The following HERC3 variants were observed in gnomAD, a reference collection of about 807,000 sequenced individuals.
HERC3 encodes the protein HECT and RLD domain containing E3 ubiquitin protein ligase 3.
In HERC3, 58 loss-of-function variants were observed where a neutral mutation model predicts 129.9. The ratio of observed to expected loss-of-function variants is 0.45; its 90% confidence interval spans 0.36 to 0.56. The LOEUF (loss-of-function observed/expected upper bound fraction) is 0.56, where lower values mean the gene tolerates loss of function less well. HERC3 is among the 20% of genes least tolerant of loss of function. HERC3 has a pLI of 0.00. For missense variants in HERC3, 835 were observed against 1,244.2 expected (o/e 0.67, Z 4.95); for synonymous variants, 430 against 451.0 (o/e 0.95, Z 0.59).
At chr4:88,594,489 C>T (rs1722119871) in intron 1 of HERC3, among the ~76,000 whole-genome samples, 1 of 152,024 alleles carries the variant, frequency 6.6e-6, no homozygotes. Context: ...CTGCAACCTC[C>T]GCCTCCCAGG....
At chr4:88,626,079 A>G (rs1451318799) in intron 3 of HERC3, among the ~76,000 whole-genome samples, 1 of 152,102 alleles carries the variant, frequency 6.6e-6, no homozygotes, top group Non-Finnish European at 1.5e-5. Context: ...GAGGCTTATC[A>G]GTTTTCTTGT....
At chr4:88,635,250 C>T (rs929232294) in intron 3 of HERC3, among the ~76,000 whole-genome samples, 2 of 151,814 alleles carry the variant, frequency 1.3e-5, no homozygotes, top group African/African-American at 2.4e-5. Context: ...AAGCTAAGAA[C>T]GTTGATAAAA....
chr4:88,706,729 A>G, intron 25 of HERC3, 23 bp from the exon 26 acceptor site: 1 of 1,607,604 alleles, frequency 6.2e-7, no homozygotes, highest in South Asian at 1.1e-5. Flanking sequence ...TTAGCTGCTA[A>G]TGCCATTTCT....
chr4:88,642,034 G>A (rs1437525481), intron 3 of HERC3, among the ~76,000 whole-genome samples: 2 of 151,152 alleles, frequency 1.3e-5, no homozygotes, highest in African/African-American at 2.4e-5. Flanking sequence ...GGGAGGCTGA[G>A]GAAGGAGAAT....
intron 3 of HERC3, among the ~76,000 whole-genome samples, chr4:88,608,498 CT>C (rs1723921109): frequency 6.6e-6 from 1 of 152,120 alleles, no homozygotes; most frequent in Non-Finnish European, 1.5e-5. Flanking sequence ...CTGTTGTTTA[CT>C]AAAATGAAAA....
At chr4:88,565,747 A>T in the HERC3 span, among the ~76,000 whole-genome samples, 1 of 151,974 alleles carries the variant, frequency 6.6e-6, no homozygotes, top group Non-Finnish European at 1.5e-5. Context: ...GTACAGACTT[A>T]CTCCTGCCAT....
chr4:88,528,670 A>G, the HERC3 span, among the ~76,000 whole-genome samples: 1 of 152,166 alleles, frequency 6.6e-6, no homozygotes, highest in African/African-American at 2.4e-5. Flanking sequence ...TAGGAATTAC[A>G]GAGTGCTCTT....
chr4:88,533,240 T>G, the HERC3 span, among the ~76,000 whole-genome samples: 7 of 152,194 alleles, frequency 4.6e-5, no homozygotes, highest in African/African-American at 1.7e-4. Flanking sequence ...TCCACCTTCT[T>G]CTGCCTGCTT....
chr4:88,614,924 A>G (rs1021348137), intron 3 of HERC3, among the ~76,000 whole-genome samples: 3 of 152,226 alleles, frequency 2.0e-5, no homozygotes, highest in Non-Finnish European at 4.4e-5. Flanking sequence ...AACAGGTGAT[A>G]CAGGTCCTAT....
chr4:88,606,199 C>T (rs1004035533), intron 3 of HERC3, 150 bp downstream of exon 3: 2 of 570,002 alleles, frequency 3.5e-6, no homozygotes, highest in Non-Finnish European at 6.1e-6. Flanking sequence ...CTGTTTGGAA[C>T]CCTTGTGTCT....
Position 88,670,245 on chromosome 4 carries a change from C to T in HERC3, c.1904C>T (p.Ala635Val), listed in dbSNP as rs373648423. The change falls in exon 16 of 26, where the codon GCA becomes GTA. Residue 635 changes from alanine (A) to valine (V), a missense_variant. By Grantham distance (64) the Ala-to-Val change is moderately conservative. Coordinates refer to ENST00000402738, the MANE Select transcript of HERC3 (RefSeq NM_014606.3). ...EDYLMWFLHQ[A>V]GMKARPSIIQ... ...TACCTCATGTGGTTCTTGCATCAAG[C>T]AGGGATGGTAAGAATTCATAAAGCA... is the stretch of plus-strand genomic sequence containing the variant. The T allele has an allele frequency of 1.9e-5, 31 of 1,595,624 alleles. No individual in the cohort carries two copies. The highest frequency in any genetic ancestry group is 2.7e-5 in the Non-Finnish European group (31 of 1,163,554).
intron 4 of HERC3, 114 bp from the exon 5 acceptor site, chr4:88,651,898 T>C: frequency 2.4e-6 from 2 of 840,798 alleles, no homozygotes. Flanking sequence ...TTAAAAAGAC[T>C]TTTAGGCAAG....
At chr4:88,560,760 T>C in the HERC3 span, among the ~76,000 whole-genome samples, 1 of 152,128 alleles carries the variant, frequency 6.6e-6, no homozygotes, top group African/African-American at 2.4e-5. Context: ...TTGATTTTTG[T>C]GTATGGTGTA....
the HERC3 span, among the ~76,000 whole-genome samples, chr4:88,535,123 T>C: frequency 2.6e-4 from 39 of 152,084 alleles, no homozygotes; most frequent in African/African-American, 9.2e-4. Context: ...GTAAATTGAG[T>C]CCTGAGTATT....
the HERC3 span, among the ~76,000 whole-genome samples, chr4:88,581,944 A>G: frequency 6.6e-6 from 1 of 152,236 alleles, no homozygotes; most frequent in African/African-American, 2.4e-5. Context: ...GCTTCTAATT[A>G]GCAGCAATTA....
intron 16 of HERC3, among the ~76,000 whole-genome samples, chr4:88,675,614 G>C (rs1326387390): frequency 2.6e-5 from 4 of 151,746 alleles, no homozygotes; most frequent in Non-Finnish European, 5.9e-5. Context: ...TGTGGTTGTG[G>C]GTTTTTTACC....
the HERC3 span, among the ~76,000 whole-genome samples, chr4:88,524,555 C>G: frequency 3.5e-3 from 529 of 152,312 alleles, 1 homozygote; most frequent in Non-Finnish European, 5.4e-3. Context: ...TGGGGCCTGA[C>G]AGCTTGGTTC....
intron 23 of HERC3, among the ~76,000 whole-genome samples, chr4:88,692,514 T>A (rs1454900895): frequency 6.6e-6 from 1 of 152,152 alleles, no homozygotes; most frequent in Non-Finnish European, 1.5e-5. Context: ...TAAGATCTAC[T>A]TCAGGACCGC....
the HERC3 span, among the ~76,000 whole-genome samples, chr4:88,569,311 C>T: frequency 3.3e-5 from 5 of 152,168 alleles, no homozygotes; most frequent in East Asian, 5.8e-4. Context: ...ACAGATTCAC[C>T]GTCCACACTA....
Sources: allele counts gnomAD v4.1 joint callset (sites outside exome capture counted in the v4.1 genomes callset), GRCh38; gene constraint gnomAD v4.1.1; transcripts MANE v1.5; gene names NCBI Gene and HGNC (gene_info 2026-07-23, HGNC 2026-07-21).